The following SPOCK3 variants were observed in gnomAD, a reference collection of about 807,000 sequenced individuals.
The protein encoded by SPOCK3 is testican-3.
In SPOCK3, 30 loss-of-function variants were observed where a neutral mutation model predicts 56.6. That is an observed-to-expected ratio of 0.53 (90% CI 0.40 to 0.72). The LOEUF (loss-of-function observed/expected upper bound fraction) is 0.72, where lower values mean the gene tolerates loss of function less well. Among genes scored for constraint, SPOCK3 ranks in the 30% least tolerant of loss-of-function variants. The pLI is 0.00. For missense variants in SPOCK3, 527 were observed against 530.0 expected (o/e 0.99, Z 0.06); for synonymous variants, 196 against 183.3 (o/e 1.07, Z -0.56).
intron 2 of SPOCK3, among the ~76,000 whole-genome samples, chr4:167,190,068 T>C (rs369353645): frequency 6.1e-5 from 9 of 146,516 alleles, no homozygotes; most frequent in South Asian, 4.2e-4. Context: ...TTGTGAATAA[T>C]GCTGCAATAA....
intron 4 of SPOCK3, chr4:166,918,393 A>C (rs577077547): frequency 6.6e-6 from 1 of 152,322 alleles, no homozygotes; most frequent in South Asian, 2.1e-4. Flanking sequence ...GTATTCTGTC[A>C]GCCTCCTATC....
intron 4 of SPOCK3, among the ~76,000 whole-genome samples, chr4:166,983,825 T>C (rs1028922907): frequency 6.6e-6 from 1 of 152,054 alleles, no homozygotes; most frequent in African/African-American, 2.4e-5. Context: ...AGCAAGACTA[T>C]AGTAGCCTTC....
At position 166,846,861 on chromosome 4, in the gene SPOCK3, A is replaced by C. The variant is rs372402160; in HGVS notation, c.589+42269T>G. On this transcript the variant is annotated intron_variant, in intron 6 of 10. Coordinates refer to ENST00000357545, the MANE Select transcript of SPOCK3 (RefSeq NM_001040159.2). ...ACCAGAAGATTTAAAAAGAAAATTG[A>C]TTCCTGATTTTCCAAGAAATGTACA... Among the ~76,000 whole-genome samples the C allele has an allele frequency of 1.5e-3, 226 of 152,290 alleles. No individual in the cohort carries two copies. In the South Asian group the frequency reaches 0.025, roughly 17 times the overall value.
chr4:167,000,004 A>C (rs890861757), intron 4 of SPOCK3, among the ~76,000 whole-genome samples: 2 of 152,324 alleles, frequency 1.3e-5, no homozygotes, highest in Admixed American at 6.5e-5. Flanking sequence ...TGAGGGAAAT[A>C]AAGATGTTTG....
At chr4:167,174,470 A>G (rs1730792581) in intron 2 of SPOCK3, among the ~76,000 whole-genome samples, 1 of 151,992 alleles carries the variant, frequency 6.6e-6, no homozygotes, top group Non-Finnish European at 1.5e-5. Flanking sequence ...AACAGAGGTG[A>G]CCAAAAATAT....
At chr4:166,744,826 A>G (rs1416616759) in intron 8 of SPOCK3, among the ~76,000 whole-genome samples, 1 of 152,182 alleles carries the variant, frequency 6.6e-6, no homozygotes, top group Non-Finnish European at 1.5e-5. Context: ...TGGCATGAGA[A>G]CTACGTGATG....
At chr4:167,085,038 T>G (rs2150298108) in intron 2 of SPOCK3, among the ~76,000 whole-genome samples, 1 of 152,142 alleles carries the variant, frequency 6.6e-6, no homozygotes, top group East Asian at 1.9e-4. Flanking sequence ...GAAGCTTATA[T>G]GAGCAAACCA....
intron 2 of SPOCK3, among the ~76,000 whole-genome samples, chr4:167,076,067 A>G (rs749326136): frequency 1.3e-4 from 19 of 151,926 alleles, no homozygotes; most frequent in Non-Finnish European, 2.4e-4. Flanking sequence ...TGTATACTGT[A>G]TTATTCCAAC....
intron 4 of SPOCK3, among the ~76,000 whole-genome samples, chr4:166,958,326 C>A (rs926347877): frequency 3.3e-5 from 5 of 152,162 alleles, no homozygotes; most frequent in African/African-American, 7.2e-5. Flanking sequence ...CAGAAGCAGA[C>A]CCCACTGTGC....
rs1733314069 is a variant in SPOCK3 at position 167,199,593 on chromosome 4, T to C, written c.189+34392A>G. Among the ~76,000 whole-genome samples the C allele has an allele frequency of 2.0e-5, 3 of 151,932 alleles. No homozygotes were observed. In the South Asian group the frequency reaches 6.2e-4, roughly 32 times the overall value. ...CTTCCTCTACTCAGTTCTCTCGCCT[T>C]GTCCTCTCACAGATGTTTGCAAGAA... On this transcript the variant is annotated intron_variant, in intron 2 of 10. Transcript: ENST00000357545.
chr4:167,069,689 C>T (rs990377014), intron 2 of SPOCK3, among the ~76,000 whole-genome samples: 2 of 151,898 alleles, frequency 1.3e-5, no homozygotes. Flanking sequence ...TCCAAACAAT[C>T]CCTTGTTCAC....
At chr4:166,833,874 T>C (rs868226580) in intron 6 of SPOCK3, among the ~76,000 whole-genome samples, 5 of 152,188 alleles carry the variant, frequency 3.3e-5, no homozygotes, top group Non-Finnish European at 5.9e-5. Flanking sequence ...CTGCCCCCTC[T>C]TGGAGGAAAA....
At chr4:166,852,602 G>A (rs943460917) in intron 6 of SPOCK3, among the ~76,000 whole-genome samples, 2 of 152,160 alleles carry the variant, frequency 1.3e-5, no homozygotes, top group African/African-American at 2.4e-5. Context: ...ATTCTGTCCA[G>A]TCACAAATCC....
chr4:167,151,417 T>G lies in SPOCK3; in HGVS notation c.189+82568A>C, dbSNP rs555530605. ...TTTTGTTGTTAGTGTTTTCTCACTT[T>G]CCACATTCCTTTTTTTTCTTTTTTT... On this transcript the variant is annotated intron_variant, in intron 2 of 10. Transcript: ENST00000357545. 2.7e-5 allele frequency among the ~76,000 whole-genome samples: 4 copies of G among 148,696 alleles called. No individual in the cohort carries two copies. The South Asian group carries it at 8.5e-4, about 32-fold the overall frequency.
At chr4:167,017,146 C>T (rs1260887791) in intron 3 of SPOCK3, among the ~76,000 whole-genome samples, 2 of 152,074 alleles carry the variant, frequency 1.3e-5, no homozygotes, top group African/African-American at 4.8e-5. Flanking sequence ...TTTCCTTGGG[C>T]TTCAGCTCAA....
chr4:166,737,747 C>T (rs975408834), intron 9 of SPOCK3, 143 bp from the exon 10 acceptor site: 8 of 855,554 alleles, frequency 9.4e-6, no homozygotes, highest in East Asian at 8.8e-5. Flanking sequence ...GGATAGATAC[C>T]AGTGATGCCT....
intron 4 of SPOCK3, among the ~76,000 whole-genome samples, chr4:166,925,420 ACTGC>A: frequency 6.6e-6 from 1 of 152,170 alleles, no homozygotes; most frequent in Non-Finnish European, 1.5e-5. Flanking sequence ...AAGAGACCTC[ACTGC>A]CTGAACCTGA....
At chr4:166,990,809 C>A (rs1747703039) in intron 4 of SPOCK3, among the ~76,000 whole-genome samples, 1 of 151,856 alleles carries the variant, frequency 6.6e-6, no homozygotes, top group African/African-American at 2.4e-5. Flanking sequence ...CTGGAAATCA[C>A]ATTATTAATA....
intron 2 of SPOCK3, among the ~76,000 whole-genome samples, chr4:167,176,987 G>T (rs1731040302): frequency 6.6e-6 from 1 of 152,090 alleles, no homozygotes; most frequent in Non-Finnish European, 1.5e-5. Context: ...TGATGAAGAT[G>T]ACAGACAGGG....
Sources: allele counts gnomAD v4.1 joint callset (sites outside exome capture counted in the v4.1 genomes callset), GRCh38; gene constraint gnomAD v4.1.1; transcripts MANE v1.5; gene names NCBI Gene and HGNC (gene_info 2026-07-23, HGNC 2026-07-21).